The following CASR variants were observed in gnomAD, a reference collection of about 807,000 sequenced individuals.
CASR encodes calcium sensing receptor.
In CASR, 23 loss-of-function variants were observed where a neutral mutation model predicts 69.1. The ratio of observed to expected loss-of-function variants is 0.33; its 90% CI spans 0.24 to 0.47. The LOEUF (loss-of-function observed/expected upper bound fraction) is 0.47. Ranked by LOEUF, CASR falls within the 20% of genes least tolerant of loss-of-function variation. The pLI, the probability that CASR is intolerant of heterozygous loss-of-function variation, is 1.00. For synonymous variants in CASR, 541 were observed against 544.7 expected, an observed-to-expected ratio of 0.99 and a Z score of 0.10; for missense variants, 924 against 1,356.1, an observed-to-expected ratio of 0.68 and a Z score of 5.00.
At chr3:122,184,901 C>A (rs1475731272) in intron 1 of CASR, among the ~76,000 whole-genome samples, 4 of 152,130 alleles carry the variant, frequency 2.6e-5, no homozygotes, top group African/African-American at 7.2e-5. Context: ...GTAGCTTTTA[C>A]AGAGTGTATG....
chr3:122,274,584 C>T (rs947724915), intron 4 of CASR, among the ~76,000 whole-genome samples: 4 of 152,112 alleles, frequency 2.6e-5, no homozygotes, highest in Non-Finnish European at 5.9e-5. Flanking sequence ...TGAGATTAGA[C>T]GTTGGATTTT....
At chr3:122,222,059 C>T (rs1448342010) in intron 1 of CASR, among the ~76,000 whole-genome samples, 1 of 152,200 alleles carries the variant, frequency 6.6e-6, no homozygotes, top group Non-Finnish European at 1.5e-5. Context: ...TGGCTGACAG[C>T]TTTCTGCCAA....
At chr3:122,276,792 G>A (rs745867181) in intron 5 of CASR, among the ~76,000 whole-genome samples, 7 of 152,232 alleles carry the variant, frequency 4.6e-5, no homozygotes, top group Admixed American at 6.5e-5. Context: ...CTAGAAGCCT[G>A]TTAATAACCA....
At chr3:122,227,646 G>T (rs1175083170) in intron 1 of CASR, among the ~76,000 whole-genome samples, 3 of 152,184 alleles carry the variant, frequency 2.0e-5, no homozygotes, top group Non-Finnish European at 2.9e-5. Flanking sequence ...TGACCTGAAG[G>T]GCTCCTCAAG....
In CASR at chr3:122,248,608, AT is replaced by A. The variant is rs539049283; in HGVS notation, c.-242-5324del. 5.3e-3 allele frequency among the ~76,000 whole-genome samples: 747 copies of A among 141,510 alleles called. 2 individuals are homozygous for A. The highest frequency in any genetic ancestry group is 9.6e-3 in the South Asian group (43 of 4,480). 92.8% of individuals were successfully genotyped at this position (141,510 alleles called of 152,430 possible). A position where few individuals can be genotyped will look rare whatever the true frequency, so the allele number is the denominator to read the frequency against. The stretch of plus-strand genomic sequence containing the variant: ...TTCTCTTTTTTCTAGGCAACCTAGA[AT>A]TTTTTTTTTTTTTTTGCCATCTAGG... On this transcript the variant is annotated intron_variant, in intron 1 of 6. Transcript: ENST00000639785.
intron 5 of CASR, 119 bp downstream of exon 5, chr3:122,276,161 A>C (rs1453660823): frequency 5.5e-6 from 4 of 730,348 alleles, no homozygotes; most frequent in Non-Finnish European, 1.0e-5. Flanking sequence ...CACTTCCCTG[A>C]ACTCTCTGGC....
intron 1 of CASR, among the ~76,000 whole-genome samples, chr3:122,196,453 T>G (rs867876296): frequency 3.9e-5 from 6 of 152,346 alleles, no homozygotes; most frequent in Middle Eastern, 3.4e-3. Context: ...TTATCTTTTT[T>G]ACTATGTAAT....
intron 3 of CASR, 58 bp downstream of exon 3, chr3:122,257,445 G>A: frequency 7.5e-7 from 1 of 1,340,386 alleles, no homozygotes; most frequent in East Asian, 2.3e-5. Flanking sequence ...GCAGGCTTGG[G>A]GGTGCCATGC....
At chr3:122,185,887 A>G (rs536444246) in intron 1 of CASR, among the ~76,000 whole-genome samples, 1 of 152,078 alleles carries the variant, frequency 6.6e-6, no homozygotes, top group African/African-American at 2.4e-5. Context: ...GCAGGCCAAG[A>G]CCCTTGAGTA....
At chr3:122,222,562 C>A (rs1051195734) in intron 1 of CASR, among the ~76,000 whole-genome samples, 2 of 152,056 alleles carry the variant, frequency 1.3e-5, no homozygotes, top group Non-Finnish European at 2.9e-5. Context: ...CACCCAGATT[C>A]ATAAAACAAG....
chr3:122,215,814 A>T (rs967843476), intron 1 of CASR, among the ~76,000 whole-genome samples: 1 of 152,240 alleles, frequency 6.6e-6, no homozygotes, highest in Admixed American at 6.5e-5. Flanking sequence ...AGAAATTGCC[A>T]TGAGAGGCAC....
chr3:122,281,033 A>G (rs529057957), intron 5 of CASR, among the ~76,000 whole-genome samples: 132 of 152,384 alleles, frequency 8.7e-4, no homozygotes, highest in African/African-American at 2.8e-3. Context: ...TGAATAATCA[A>G]TTAGCTGGTG....
At chr3:122,266,512 C>A (rs1035258970) in intron 4 of CASR, among the ~76,000 whole-genome samples, 1 of 151,876 alleles carries the variant, frequency 6.6e-6, no homozygotes. Flanking sequence ...TCACTGCAAA[C>A]TCCGCCTCCC....
In CASR at chr3:122,254,392, A is replaced by G; in HGVS notation, c.185+18A>G. The stretch of plus-strand genomic sequence containing the variant: ...TGTATCAGGTAAGAAGAGGGGCCTA[A>G]TCTGCCAATCTCTTCTCTTCTGAGT... On this transcript the variant is annotated intron_variant, in intron 2 of 6. Coordinates refer to ENST00000639785, the MANE Select transcript of CASR (RefSeq NM_000388.4). The G allele has an allele frequency of 6.2e-7, 1 of 1,610,046 alleles. No individual in the cohort carries two copies. Among genetic ancestry groups the G allele is most frequent in the Non-Finnish European group, 8.5e-7 (1 of 1,176,336 alleles).
At chr3:122,250,110 T>C (rs2074468047) in intron 1 of CASR, among the ~76,000 whole-genome samples, 1 of 152,006 alleles carries the variant, frequency 6.6e-6, no homozygotes. Context: ...TGGAAGGTGA[T>C]GGGAGCTGGA....
Position 122,201,270 on chromosome 3 carries a change from A to C in CASR, c.-243+17458A>C, listed in dbSNP as rs1396492807. 3.3e-5 allele frequency among the ~76,000 whole-genome samples: 5 copies of C among 152,154 alleles called. No individual in the cohort carries two copies. The East Asian group carries it at 9.6e-4, about 29-fold the overall frequency. ...ATCTTGTACCGCCCTTAATCCATTTAACCCTGAGTGGACACAGCACATGCT... is the reference window on the plus strand; with the variant it reads ...ATCTTGTACCGCCCTTAATCCATTTCACCCTGAGTGGACACAGCACATGCT... On this transcript the variant is annotated intron_variant, in intron 1 of 6. Coordinates refer to ENST00000639785, the MANE Select transcript of CASR (RefSeq NM_000388.4).
At chr3:122,187,159 T>A (rs1341947980) in intron 1 of CASR, among the ~76,000 whole-genome samples, 1 of 152,222 alleles carries the variant, frequency 6.6e-6, no homozygotes, top group Non-Finnish European at 1.5e-5. Context: ...ATACACTGAC[T>A]GTTCAATGTT....
intron 1 of CASR, among the ~76,000 whole-genome samples, chr3:122,200,683 A>G (rs2073939811): frequency 6.6e-6 from 1 of 152,192 alleles, no homozygotes; most frequent in Non-Finnish European, 1.5e-5. Context: ...CTGTTATAAA[A>G]AATGTTATCA....
At chr3:122,252,362 AGAAGGAAGGAAGGAAG>A (rs11273970) in intron 1 of CASR, among the ~76,000 whole-genome samples, 1 of 26,220 alleles carries the variant, frequency 3.8e-5, no homozygotes, top group Admixed American at 5.7e-4. Context: ...AAAGAAAGAA[AGAAGGAAGGAAGGAAG>A]GAAGGAAGGA....
Sources: gnomAD v4.1 joint callset for allele counts (sites outside exome capture counted in the v4.1 genomes callset) on GRCh38, gnomAD v4.1.1 for gene constraint, MANE v1.5 for transcripts, NCBI Gene and HGNC (gene_info 2026-07-23, HGNC 2026-07-21) for gene names.